DENND4A: variants seen among roughly 807,000 people sequenced by gnomAD.
DENND4A encodes the protein DENN domain containing 4A.
Under a neutral mutation model 199.3 loss-of-function variants are expected in DENND4A, and 70 were observed. The ratio of observed to expected loss-of-function variants is 0.35; its 90% CI spans 0.29 to 0.43. DENND4A has a LOEUF of 0.43. Among genes scored for constraint, DENND4A ranks in the 20% least tolerant of loss-of-function variants. The pLI is 1.00. For synonymous variants in DENND4A, 686 were observed against 766.9 expected (o/e 0.89, Z 1.74); for missense variants, 1,723 against 2,255.8 (o/e 0.76, Z 4.78).
Position 65,677,528 on chromosome 15 carries a change from T to C in DENND4A, c.4180-894A>G, listed in dbSNP as rs559406141. Among the ~76,000 whole-genome samples, 22 of 152,298 alleles carry C rather than the reference T, an allele frequency of 1.4e-4. No individual in the cohort carries two copies. In the East Asian group the frequency reaches 3.9e-3, roughly 27 times the overall value. On this transcript the variant is annotated intron_variant, in intron 23 of 32. Coordinates refer to ENST00000443035, the MANE Select transcript of DENND4A (RefSeq NM_001320835.1). ...CTGGCCGGGCTTTAACATTTTTACA[T>C]AGTAAAATATTTTCATCCTTTATGG...
Position 65,771,853 on chromosome 15 carries a change from T to C in DENND4A, c.-101-10415A>G, listed in dbSNP as rs548330635. 4.3e-6 allele frequency: 7 copies of C among 1,612,366 alleles called. No homozygotes were observed. In the Admixed American group the frequency reaches 1.2e-4, roughly 27 times the overall value. ...TGGATTACTTAAAACAGCATAAGCA[T>C]TCCCAACCTTTTTAAAAGCATCTGT... On this transcript the variant is annotated intron_variant, in intron 1 of 32. Coordinates refer to ENST00000443035, the MANE Select transcript of DENND4A (RefSeq NM_001320835.1).
chr15:65,784,198 A>G (rs2077506700), intron 1 of DENND4A, among the ~76,000 whole-genome samples: 1 of 152,098 alleles, frequency 6.6e-6, no homozygotes, highest in African/African-American at 2.4e-5. Context: ...ACTCCTCAAA[A>G]CCATCAAAGT....
In DENND4A at chr15:65,690,858, G is replaced by C. The variant is rs772189708; in HGVS notation, c.3736C>G (p.Arg1246Gly). 1.2e-6 allele frequency: 2 copies of C among 1,612,318 alleles called. No homozygotes were observed. The highest frequency in any genetic ancestry group is 1.7e-6 in the Non-Finnish European group (2 of 1,179,310). ...ATCACAATTTCTTCAGCTAAATCAC[G>C]CCTAGCAGATGGTGTTGAAATGCTT... ...SKSISTPSAR[R>G]DLAEEIVMYM... The change falls in exon 23 of 33, where the codon CGT becomes GGT. Residue 1246 changes from arginine to glycine, a missense_variant. Transcript: ENST00000443035.
intron 4 of DENND4A, among the ~76,000 whole-genome samples, chr15:65,752,134 G>A (rs1210403298): frequency 7.0e-6 from 1 of 142,294 alleles, no homozygotes; most frequent in South Asian, 2.3e-4. Flanking sequence ...GGGCGGGGGG[G>A]GTGGGGGATA....
At chr15:65,749,477 A>T (rs1405327452) in intron 4 of DENND4A, among the ~76,000 whole-genome samples, 4 of 152,228 alleles carry the variant, frequency 2.6e-5, no homozygotes, top group African/African-American at 7.2e-5. Flanking sequence ...AGATTTAGTT[A>T]TAAGTATGTT....
chr15:65,772,214 G>C (rs1381984922), intron 1 of DENND4A: 2 of 604,100 alleles, frequency 3.3e-6, no homozygotes, highest in African/African-American at 1.9e-5. Flanking sequence ...GTGACTTAAA[G>C]GTCTAGAGAC....
chr15:65,769,236 C>A (rs1181572690), intron 1 of DENND4A, among the ~76,000 whole-genome samples: 1 of 149,730 alleles, frequency 6.7e-6, no homozygotes, highest in Non-Finnish European at 1.5e-5. Flanking sequence ...CACACACACT[C>A]AACTGTGGTA....
At chr15:65,716,169 C>T (rs2075391707) in intron 13 of DENND4A, among the ~76,000 whole-genome samples, 1 of 152,042 alleles carries the variant, frequency 6.6e-6, no homozygotes, top group African/African-American at 2.4e-5. Context: ...ACTGTGTAAA[C>T]TGTTCTCTCT....
chr15:65,786,308 G>T (rs2077565295), intron 1 of DENND4A, among the ~76,000 whole-genome samples: 1 of 151,990 alleles, frequency 6.6e-6, no homozygotes. Context: ...AAAATAAAAT[G>T]AAAAAAGCAA....
At chr15:65,709,972 T>C (rs990042262) in intron 14 of DENND4A, among the ~76,000 whole-genome samples, 2 of 151,866 alleles carry the variant, frequency 1.3e-5, no homozygotes, top group African/African-American at 2.4e-5. Flanking sequence ...TGATTATACA[T>C]TTAATAGAAT....
At chr15:65,746,898 T>A (rs2076415439) in intron 4 of DENND4A, among the ~76,000 whole-genome samples, 1 of 149,636 alleles carries the variant, frequency 6.7e-6, no homozygotes, top group African/African-American at 2.5e-5. Flanking sequence ...AAAACCCTGT[T>A]CTCTACTAAA....
At chr15:65,761,032 C>A (rs541892143) in intron 2 of DENND4A, among the ~76,000 whole-genome samples, 11 of 152,072 alleles carry the variant, frequency 7.2e-5, no homozygotes, top group Non-Finnish European at 1.5e-4. Flanking sequence ...CATAAAATTC[C>A]TTTTCATTAG....
At chr15:65,791,794 G>A (rs1302440857) in intron 1 of DENND4A, among the ~76,000 whole-genome samples, 1 of 152,044 alleles carries the variant, frequency 6.6e-6, no homozygotes, top group African/African-American at 2.4e-5. Flanking sequence ...CCGACGCAGA[G>A]GCGCGGGTGC....
intron 31 of DENND4A, 34 bp downstream of exon 31, chr15:65,664,526 G>A: frequency 6.3e-7 from 1 of 1,592,812 alleles, no homozygotes; most frequent in Non-Finnish European, 8.6e-7. Flanking sequence ...ATCTGCCTAG[G>A]AGAACAATAT....
intron 3 of DENND4A, among the ~76,000 whole-genome samples, chr15:65,754,658 T>C (rs963673017): frequency 5.3e-5 from 8 of 152,172 alleles, no homozygotes; most frequent in Non-Finnish European, 1.0e-4. Flanking sequence ...AGTAAGCACA[T>C]AAAAAGATGC....
chr15:65,750,669 A>G (rs564806325), intron 4 of DENND4A, among the ~76,000 whole-genome samples: 2 of 152,104 alleles, frequency 1.3e-5, no homozygotes, highest in East Asian at 3.9e-4. Context: ...CTCACTTTCT[A>G]CTCCATAGAT....
intron 1 of DENND4A, among the ~76,000 whole-genome samples, chr15:65,791,186 T>A (rs1022097684): frequency 3.9e-5 from 6 of 152,242 alleles, no homozygotes; most frequent in Non-Finnish European, 7.3e-5. Flanking sequence ...ATGCCTGTCC[T>A]GCTGTTGCAA....
At position 65,667,699 on chromosome 15, in the gene DENND4A, G is replaced by A. The variant is rs1184637526; in HGVS notation, c.4991C>T (p.Ser1664Phe). The A allele has an allele frequency of 6.2e-7, 1 of 1,601,454 alleles. No homozygotes were observed. ...LPATLQGATDSLGLEWHLPSP... is the reference protein window; with the variant it reads ...LPATLQGATDFLGLEWHLPSP... Reference sequence around the variant, plus strand: ...TGGAAGGTGCCATTCTAAACCTAAAGAATCCTGTTGAATAAATAAAAACCA... The same window carrying A: ...TGGAAGGTGCCATTCTAAACCTAAAAAATCCTGTTGAATAAATAAAAACCA... The change falls in exon 29 of 33, where the codon TCT (serine) becomes TTT (phenylalanine). Residue 1664 changes from serine to phenylalanine, a missense_variant. Transcript: ENST00000443035.
intron 11 of DENND4A, 21 bp downstream of exon 11, chr15:65,729,051 G>C: frequency 6.4e-7 from 1 of 1,556,110 alleles, no homozygotes; most frequent in Non-Finnish European, 8.7e-7. Context: ...TATACATGTA[G>C]AATCACTAAA....
Sources: gnomAD v4.1 joint callset for allele counts (sites outside exome capture counted in the v4.1 genomes callset) on GRCh38, gnomAD v4.1.1 for gene constraint, MANE v1.5 for transcripts, NCBI Gene and HGNC (gene_info 2026-07-23, HGNC 2026-07-21) for gene names.